HHIPL2: variants seen among roughly 807,000 people sequenced by gnomAD.
HHIPL2 encodes HHIP-like protein 2.
Under a neutral mutation model 61.0 loss-of-function variants are expected in HHIPL2, and 61 were observed. That is an observed-to-expected ratio of 1.00 (90% confidence interval 0.81 to 1.24). The LOEUF (loss-of-function observed/expected upper bound fraction) is 1.24. Among genes scored for constraint, HHIPL2 ranks in the 50% most tolerant of loss-of-function variants. HHIPL2 has a pLI of 0.00. For synonymous variants in HHIPL2, 343 were observed against 357.4 expected (o/e 0.96, Z 0.45); for missense variants, 885 against 910.2 (o/e 0.97, Z 0.36).
intron 3 of HHIPL2, among the ~76,000 whole-genome samples, chr1:222,540,582 G>A (rs981266528): frequency 1.2e-4 from 19 of 152,182 alleles, no homozygotes; most frequent in African/African-American, 3.1e-4. Context: ...AGAGAACTAC[G>A]AGGCAAAAGT....
At chr1:222,532,226 T>A (rs1659208082) in intron 5 of HHIPL2, 115 bp from the exon 6 acceptor site, 4 of 880,230 alleles carry the variant, frequency 4.5e-6, no homozygotes, top group Non-Finnish European at 4.9e-6. Context: ...CATTAAGAGA[T>A]CAATAACTAG....
intron 5 of HHIPL2, among the ~76,000 whole-genome samples, chr1:222,538,060 T>C (rs1052123408): frequency 2.0e-5 from 3 of 152,128 alleles, no homozygotes; most frequent in African/African-American, 7.2e-5. Context: ...GGAACAACAT[T>C]GATGAATCCC....
chr1:222,544,324 G>A, intron 1 of HHIPL2, 135 bp from the exon 2 acceptor site: 1 of 907,656 alleles, frequency 1.1e-6, no homozygotes, highest in South Asian at 1.7e-5. Flanking sequence ...GTTACCAACT[G>A]CTGCTAAAAC....
At chr1:222,530,736 A>C (rs994126552) in intron 6 of HHIPL2, among the ~76,000 whole-genome samples, 1 of 131,012 alleles carries the variant, frequency 7.6e-6, no homozygotes, top group South Asian at 2.3e-4. Flanking sequence ...TTTTTTTTAA[A>C]TTTTTTCTTT....
intron 2 of HHIPL2, 86 bp from the exon 3 acceptor site, chr1:222,542,241 AAG>A: frequency 6.7e-7 from 1 of 1,490,246 alleles, no homozygotes; most frequent in Non-Finnish European, 9.0e-7. Flanking sequence ...TGACTGGGCC[AAG>A]CCACCGAGAT....
chr1:222,534,780 C>T (rs1659267225), intron 5 of HHIPL2, among the ~76,000 whole-genome samples: 1 of 151,830 alleles, frequency 6.6e-6, no homozygotes, highest in South Asian at 2.1e-4. Context: ...CAAAATAAAA[C>T]ACAGAGAAAA....
chr1:222,533,024 A>C (rs141184912), intron 5 of HHIPL2, among the ~76,000 whole-genome samples: 19 of 152,372 alleles, frequency 1.2e-4, no homozygotes, highest in African/African-American at 3.6e-4. Flanking sequence ...TTATGGAAAC[A>C]GAGATCCTAA....
At chr1:222,546,412 T>G (rs984581931) in intron 1 of HHIPL2, among the ~76,000 whole-genome samples, 1 of 152,172 alleles carries the variant, frequency 6.6e-6, no homozygotes, top group Non-Finnish European at 1.5e-5. Context: ...ACACACTACA[T>G]ACGTTGGGGA....
At chr1:222,547,619 A>G (rs1659581275) in intron 1 of HHIPL2, 105 bp downstream of exon 1, 2 of 957,954 alleles carry the variant, frequency 2.1e-6, no homozygotes, top group Admixed American at 4.5e-5. Flanking sequence ...GGCACCCGGC[A>G]CATGAACTTC....
intron 5 of HHIPL2, among the ~76,000 whole-genome samples, chr1:222,533,128 G>T (rs1659226879): frequency 6.6e-6 from 1 of 152,184 alleles, no homozygotes; most frequent in African/African-American, 2.4e-5. Context: ...ACTTTGGGAG[G>T]CTGAGGCGGG....
chr1:222,526,672 T>A (rs1394937533), intron 7 of HHIPL2, among the ~76,000 whole-genome samples: 1 of 120,332 alleles, frequency 8.3e-6, no homozygotes, highest in Non-Finnish European at 1.6e-5. Flanking sequence ...ACCATTGCAC[T>A]CCAGCCTGGG....
In HHIPL2 at chr1:222,532,519, C is replaced by T. The variant is rs1254756215; in HGVS notation, c.1578-408G>A. On this transcript the variant is annotated intron_variant, in intron 5 of 8. Coordinates refer to ENST00000343410, the MANE Select transcript of HHIPL2 (RefSeq NM_024746.4). Reference sequence around the variant, plus strand: ...GTCCCAGCTACTCGGGAGGCTGAGGCACAAGAAATGCTTGAACCCAGGACG... The same window carrying T: ...GTCCCAGCTACTCGGGAGGCTGAGGTACAAGAAATGCTTGAACCCAGGACG... Among the ~76,000 whole-genome samples, 3 of 151,690 alleles carry T rather than the reference C, an allele frequency of 2.0e-5. No homozygotes were observed. In the East Asian group the frequency reaches 5.8e-4, roughly 29 times the overall value.
intron 7 of HHIPL2, among the ~76,000 whole-genome samples, chr1:222,524,564 G>A (rs1017140395): frequency 2.0e-5 from 3 of 152,220 alleles, no homozygotes; most frequent in Non-Finnish European, 4.4e-5. Context: ...GGCTCGCACA[G>A]GCTAAGAAAC....
Position 222,547,913 on chromosome 1 carries a change from C to G in HHIPL2, c.132G>C (p.Gln44His), listed in dbSNP as rs778707034. 1 of 1,613,262 alleles carries G rather than the reference C, an allele frequency of 6.2e-7. No individual in the cohort carries two copies. Residue 44 changes from glutamine to histidine, a missense_variant, in exon 1 of 9, where the codon CAG (glutamine) becomes CAC (histidine). Physicochemically the swap from Gln to His is conservative, Grantham distance 24 (BLOSUM62 0). Coordinates refer to ENST00000343410, the MANE Select transcript of HHIPL2 (RefSeq NM_024746.4). ...GQVGLLQGHP[Q>H]CLDYGPPFQP... The stretch of plus-strand genomic sequence containing the variant: ...GGAAAGGGGGCCCGTAATCCAGGCA[C>G]TGGGGGTGTCCCTGCAGCAAGCCCA...
intron 5 of HHIPL2, among the ~76,000 whole-genome samples, chr1:222,537,670 C>T (rs1659331360): frequency 6.6e-6 from 1 of 150,772 alleles, no homozygotes; most frequent in Admixed American, 6.6e-5. Context: ...TCTCTATTCA[C>T]AGACCTTCTA....
At chr1:222,533,946 GTATACTCA>G (rs1659245199) in intron 5 of HHIPL2, among the ~76,000 whole-genome samples, 1 of 152,174 alleles carries the variant, frequency 6.6e-6, no homozygotes, top group Non-Finnish European at 1.5e-5. Context: ...GTAATCATCA[GTATACTCA>G]ACAGCAGATA....
At chr1:222,538,198 GT>G (rs1558130077) in intron 5 of HHIPL2, among the ~76,000 whole-genome samples, 5 of 34,272 alleles carry the variant, frequency 1.5e-4, no homozygotes, top group Admixed American at 3.9e-4. Context: ...TGGCTGGGGT[GT>G]GTGTGTGTGT....
chr1:222,529,963 A>G (rs1182426181), intron 6 of HHIPL2, among the ~76,000 whole-genome samples: 3 of 152,194 alleles, frequency 2.0e-5, no homozygotes, highest in African/African-American at 7.2e-5. Context: ...GGAAAAGAAT[A>G]TGGCAAGGGC....
intron 1 of HHIPL2, 38 bp from the exon 2 acceptor site, chr1:222,544,227 C>A: frequency 6.4e-7 from 1 of 1,571,164 alleles, no homozygotes. Flanking sequence ...AGCATCAGAC[C>A]TGCCACACCG....
Sources: allele counts gnomAD v4.1 joint callset (sites outside exome capture counted in the v4.1 genomes callset), GRCh38; gene constraint gnomAD v4.1.1; transcripts MANE v1.5; gene names NCBI Gene and HGNC (gene_info 2026-07-23, HGNC 2026-07-21).